GATAD2B: variants seen among roughly 807,000 people sequenced by gnomAD.
GATAD2B encodes transcriptional repressor p66-beta.
In GATAD2B, 8 loss-of-function variants were observed where a neutral mutation model predicts 64.3. The observed-to-expected ratio is 0.12, with a 90% CI of 0.07 to 0.22. GATAD2B has a LOEUF of 0.22. GATAD2B is among the 10% of genes least tolerant of loss of function. The probability of loss-of-function intolerance (pLI) is 1.00; values close to 1 mark genes in which losing one functional copy is unlikely to be tolerated. For missense variants in GATAD2B, 453 were observed against 752.0 expected (o/e 0.60, Z 4.65); for synonymous variants, 281 against 271.3 (o/e 1.04, Z -0.35).
chr1:153,831,445 T>C (rs909103082), intron 1 of GATAD2B, among the ~76,000 whole-genome samples: 2 of 152,098 alleles, frequency 1.3e-5, no homozygotes, highest in Admixed American at 6.6e-5. Flanking sequence ...ATGGCACATG[T>C]ATACCTATGT....
chr1:153,815,289 AAAAC>A (rs1361660774), intron 7 of GATAD2B, among the ~76,000 whole-genome samples: 8 of 146,106 alleles, frequency 5.5e-5, no homozygotes, highest in Non-Finnish European at 1.1e-4. Context: ...ACAAAAAAAA[AAAAC>A]AAAAAAAAAA....
intron 1 of GATAD2B, among the ~76,000 whole-genome samples, chr1:153,894,485 T>C (rs1270096180): frequency 6.6e-6 from 1 of 151,722 alleles, no homozygotes; most frequent in Non-Finnish European, 1.5e-5. Context: ...AAAAAAAGAC[T>C]TCTGGGTCTT....
rs1553194158 is a variant in GATAD2B, at chr1:153,861,795, A to ATAT, written c.-1-33448_-1-33447insATA. ...AGACTCCATTTCAAAAAAAAAAAAA[A>ATAT]ATATATATATATATACACATATGTA... On this transcript the variant is annotated intron_variant, in intron 1 of 10. Transcript: ENST00000368655. Among the ~76,000 whole-genome samples the ATAT allele has an allele frequency of 5.3e-3, 522 of 98,518 alleles. 3 individuals are homozygous for ATAT. The highest frequency in any genetic ancestry group is 0.033 in the East Asian group (111 of 3,336). 64.6% of individuals were successfully genotyped at this position (98,518 alleles called of 152,430 possible).
intron 1 of GATAD2B, among the ~76,000 whole-genome samples, chr1:153,865,773 A>G (rs536141277): frequency 6.6e-6 from 1 of 152,342 alleles, no homozygotes; most frequent in Admixed American, 6.5e-5. Context: ...TTTGCTCTTT[A>G]GAGAAACAAG....
At chr1:153,872,564 A>C (rs893072779) in intron 1 of GATAD2B, among the ~76,000 whole-genome samples, 2 of 151,692 alleles carry the variant, frequency 1.3e-5, no homozygotes, top group African/African-American at 4.8e-5. Flanking sequence ...AAAAAAAAAA[A>C]ACCCCACAAA....
intron 1 of GATAD2B, among the ~76,000 whole-genome samples, chr1:153,901,140 G>A (rs972554790): frequency 2.0e-5 from 3 of 151,552 alleles, no homozygotes; most frequent in African/African-American, 7.3e-5. Flanking sequence ...CTTGAACCCG[G>A]AAGGCAGAGG....
At chr1:153,864,212 T>C (rs913240693) in intron 1 of GATAD2B, among the ~76,000 whole-genome samples, 7 of 152,136 alleles carry the variant, frequency 4.6e-5, no homozygotes, top group African/African-American at 9.7e-5. Context: ...TGGGAGAAAG[T>C]GCACTCCAAA....
chr1:153,908,208 A>G (rs1007385921), intron 1 of GATAD2B, among the ~76,000 whole-genome samples: 2 of 152,214 alleles, frequency 1.3e-5, no homozygotes, highest in African/African-American at 4.8e-5. Context: ...AAGAATGACT[A>G]ACAGGCTGGG....
intron 1 of GATAD2B, among the ~76,000 whole-genome samples, chr1:153,830,566 C>G (rs1270440144): frequency 2.0e-5 from 3 of 146,960 alleles, no homozygotes; most frequent in African/African-American, 7.4e-5. Flanking sequence ...AGCTCCGCCT[C>G]CCGGGTTCAC....
In GATAD2B at chr1:153,805,158, C is replaced by T. The variant is rs1373584454; in HGVS notation, c.*5019G>A. 1 of 148,686 alleles carries T rather than the reference C, an allele frequency of 6.7e-6. No homozygotes were observed. The highest frequency in any genetic ancestry group is 2.0e-4 in the East Asian group (1 of 5,020). 9.2% of individuals were successfully genotyped at this position (148,686 alleles called of 1,614,324 possible). A position where few individuals can be genotyped will look rare whatever the true frequency, so the allele number is the denominator to read the frequency against. Reference sequence around the variant, plus strand: ...CTCTCCAGGCTTTATCAGCCCAGAACCTAAAGAAGAGAGTAGGAGTACTCA... The same window carrying T: ...CTCTCCAGGCTTTATCAGCCCAGAATCTAAAGAAGAGAGTAGGAGTACTCA... On this transcript the variant is annotated 3_prime_UTR_variant, in exon 11 of 11. Coordinates refer to ENST00000368655, the MANE Select transcript of GATAD2B (RefSeq NM_020699.4).
At chr1:153,815,360 T>C (rs1466984421) in intron 7 of GATAD2B, among the ~76,000 whole-genome samples, 1 of 151,284 alleles carries the variant, frequency 6.6e-6, no homozygotes, top group Non-Finnish European at 1.5e-5. Context: ...TAGCCACCAT[T>C]TAAAAGAACT....
intron 1 of GATAD2B, among the ~76,000 whole-genome samples, chr1:153,906,324 CAGG>C (rs1462429389): frequency 1.3e-5 from 2 of 152,040 alleles, no homozygotes; most frequent in East Asian, 3.9e-4. Context: ...GAGGCTGAAG[CAGG>C]AGAATCACTT....
chr1:153,827,695 A>G (rs1219799819), intron 2 of GATAD2B: 3 of 299,576 alleles, frequency 1.0e-5, no homozygotes, highest in African/African-American at 2.2e-5. Context: ...TTCTCCTCCT[A>G]AGACGGCCAT....
chr1:153,865,380 G>T (rs1419987310), intron 1 of GATAD2B, among the ~76,000 whole-genome samples: 1 of 152,038 alleles, frequency 6.6e-6, no homozygotes, highest in Non-Finnish European at 1.5e-5. Flanking sequence ...AGAATCGCTT[G>T]AACATGGGAG....
intron 2 of GATAD2B, among the ~76,000 whole-genome samples, chr1:153,827,141 G>C (rs951039222): frequency 6.6e-6 from 1 of 150,946 alleles, no homozygotes; most frequent in African/African-American, 2.4e-5. Flanking sequence ...GCTACTCAAG[G>C]GGGGTGGGGT....
intron 1 of GATAD2B, among the ~76,000 whole-genome samples, chr1:153,897,737 T>C (rs1677639311): frequency 1.3e-5 from 2 of 152,136 alleles, no homozygotes; most frequent in African/African-American, 4.8e-5. Flanking sequence ...TCCTGCTATA[T>C]AGGTTAAGGT....
intron 1 of GATAD2B, among the ~76,000 whole-genome samples, chr1:153,836,420 T>G (rs1003289258): frequency 6.6e-6 from 1 of 151,868 alleles, no homozygotes; most frequent in African/African-American, 2.4e-5. Context: ...TCGGCTAATT[T>G]TTGTATTTTT....
At chr1:153,888,348 G>T (rs191691926) in intron 1 of GATAD2B, among the ~76,000 whole-genome samples, 1 of 152,198 alleles carries the variant, frequency 6.6e-6, no homozygotes, top group Admixed American at 6.5e-5. Context: ...TCTTCCAAAA[G>T]ACAAAGTATC....
At position 153,812,138 on chromosome 1, in the gene GATAD2B, G is replaced by A; in HGVS notation, c.1420-6C>T. On this transcript the variant is annotated splice_region_variant and splice_polypyrimidine_tract_variant and intron_variant, in intron 8 of 10. Coordinates refer to ENST00000368655, the MANE Select transcript of GATAD2B (RefSeq NM_020699.4). ...TGTAATCGCTGTTCAATTTCCTGTTGGGAGTCATCACATCAGGTGATTGAG... is the reference window on the plus strand; with the variant it reads ...TGTAATCGCTGTTCAATTTCCTGTTAGGAGTCATCACATCAGGTGATTGAG... 1.3e-6 allele frequency: 2 copies of A among 1,545,768 alleles called. No homozygotes were observed. The highest frequency in any genetic ancestry group is 1.8e-6 in the Non-Finnish European group (2 of 1,118,864).
Sources: gnomAD v4.1 joint callset for allele counts (sites outside exome capture counted in the v4.1 genomes callset) on GRCh38, gnomAD v4.1.1 for gene constraint, MANE v1.5 for transcripts, NCBI Gene and HGNC (gene_info 2026-07-23, HGNC 2026-07-21) for gene names.